The following TMED9 variants were observed in gnomAD, a reference collection of about 807,000 sequenced individuals.
TMED9 encodes the protein transmembrane emp24 domain-containing protein 9.
TMED9 carries 22 observed loss-of-function variants against 30.6 expected under a neutral mutation model. The ratio of observed to expected loss-of-function variants is 0.72; its 90% CI spans 0.51 to 1.03. The LOEUF (loss-of-function observed/expected upper bound fraction) is 1.03. Ranked by LOEUF, TMED9 falls within the 50% of genes least tolerant of loss-of-function variation. The pLI, the probability that TMED9 is intolerant of heterozygous loss-of-function variation, is 0.00. For missense variants in TMED9, 251 were observed against 302.1 expected, an observed-to-expected ratio of 0.83 and a Z score of 1.25; for synonymous variants, 146 against 122.8, an observed-to-expected ratio of 1.19 and a Z score of -1.25.
In TMED9 at chr5:177,592,310, G is replaced by T. The variant is rs1171258423; in HGVS notation, c.96G>T (p.Ala32=). Residue 32 remains alanine (A), a synonymous_variant, in exon 1 of 5, where the codon GCG becomes GCT. Transcript: ENST00000332598. ...MRTLLLVLWL[A]TRGSALYFHI... ...CCCTCCTGCTGGTGCTGTGGCTGGC[G>T]ACGCGCGGAAGCGCGCTCTACTTTC... The T allele has an allele frequency of 1.2e-6, 2 of 1,607,610 alleles. No individual in the cohort carries two copies.
chr5:177,593,816 T>A (rs527904105), intron 3 of TMED9, 41 bp downstream of exon 3: 4 of 1,611,360 alleles, frequency 2.5e-6, no homozygotes, highest in Non-Finnish European at 3.4e-6. Context: ...TCAGCCTTCA[T>A]CCTTTGGTGA....
intron 2 of TMED9, 131 bp downstream of exon 2, chr5:177,592,806 A>G (rs887110373): frequency 7.4e-6 from 5 of 674,030 alleles, no homozygotes; most frequent in Non-Finnish European, 1.3e-5. Context: ...GCTGACTTGC[A>G]GACCCCGCCC....
Position 177,596,302 on chromosome 5 carries a change from C to A in TMED9, c.*886C>A, listed in dbSNP as rs1279155808. Among the ~76,000 whole-genome samples the A allele has an allele frequency of 6.6e-6, 1 of 152,188 alleles. No homozygotes were observed. Among genetic ancestry groups the A allele is most frequent in the African/African-American group, 2.4e-5 (1 of 41,438 alleles). ...AGTGGGTTTGTCCAAGATTATACAA[C>A]AAGTAAATTGGGCTGGGGCTCAAAT... On this transcript the variant is annotated 3_prime_UTR_variant, in exon 5 of 5. Transcript: ENST00000332598.
At chr5:177,595,236 C>G (rs752398480) in intron 4 of TMED9, 31 bp from the exon 5 acceptor site, 81 of 1,506,822 alleles carry the variant, frequency 5.4e-5, no homozygotes, top group Non-Finnish European at 3.9e-5. Context: ...CAGCCCCAGC[C>G]AACTCAGGCT....
At chr5:177,593,097 G>C (rs1047985018) in intron 2 of TMED9, 1 of 160,810 alleles carries the variant, frequency 6.2e-6, no homozygotes, top group African/African-American at 2.5e-5. Flanking sequence ...TTGAGGCCGG[G>C]AGTTCAGGAC....
chr5:177,595,522 A>T lies in TMED9; in HGVS notation c.*106A>T. The T allele has an allele frequency of 7.0e-7, 1 of 1,422,632 alleles. No individual in the cohort carries two copies. Among genetic ancestry groups the T allele is most frequent in the Non-Finnish European group, 9.5e-7 (1 of 1,051,662 alleles). 88.1% of individuals were successfully genotyped at this position (1,422,632 alleles called of 1,614,324 possible). A position where few individuals can be genotyped will look rare whatever the true frequency, so the allele number is the denominator to read the frequency against. On this transcript the variant is annotated 3_prime_UTR_variant, in exon 5 of 5. Transcript: ENST00000332598. ...TGGTTTCCAGCCATACCTGTTCTGGAAGGGAGAGGGGCTGGAGGCACCCAC... is the reference window on the plus strand; with the variant it reads ...TGGTTTCCAGCCATACCTGTTCTGGTAGGGAGAGGGGCTGGAGGCACCCAC...
chr5:177,592,245 C>A lies in TMED9; in HGVS notation c.31C>A (p.Arg11=). 1.9e-6 allele frequency: 3 copies of A among 1,610,132 alleles called. No homozygotes were observed. The highest frequency in any genetic ancestry group is 2.5e-6 in the Non-Finnish European group (3 of 1,178,652). The change falls in exon 1 of 5, where the codon CGG becomes AGG. Residue 11 remains arginine, a synonymous_variant. Transcript: ENST00000332598. The stretch of plus-strand genomic sequence containing the variant: ...TGTGGAGCTGGGCGTGCTGCTCGTC[C>A]GGCCCCGGCCCGGAACCGGGCTGGG... The part of the protein sequence containing the change: MAVELGVLLV[R]PRPGTGLGRV...
Position 177,592,676 on chromosome 5 carries a change from G to A in TMED9, c.285+1G>A, listed in dbSNP as rs1240115067. On this transcript the variant is annotated splice_donor_variant, in intron 2 of 4. Transcript: ENST00000332598. LOFTEE classifies it high-confidence loss of function. ...GGAGGTGAAGGACCCAGAGGACAAG[G>A]TGAGCCAACCGCCCCCCTCCTCTCC... The A allele has an allele frequency of 6.2e-7, 1 of 1,602,630 alleles. No homozygotes were observed. The highest frequency in any genetic ancestry group is 8.5e-7 in the Non-Finnish European group (1 of 1,174,446).
chr5:177,594,275 A>C lies in TMED9; in HGVS notation c.548A>C (p.Asn183Thr). 1 of 1,614,104 alleles carries C rather than the reference A, an allele frequency of 6.2e-7. No individual in the cohort carries two copies. Among genetic ancestry groups the C allele is most frequent in the Non-Finnish European group, 8.5e-7 (1 of 1,180,002 alleles). The change falls in exon 4 of 5, where the codon AAC becomes ACC. Residue 183 changes from asparagine to threonine, a missense_variant. Transcript: ENST00000332598. Reference sequence around the variant, plus strand: ...GTGGAGCAGATCCAGAAAGAGCAGAACTACCAGCGGGTGAGTGACTGGGCC... The same window carrying C: ...GTGGAGCAGATCCAGAAAGAGCAGACCTACCAGCGGGTGAGTGACTGGGCC... Reference protein sequence around the residue: ...EQVEQIQKEQNYQRWREERFR... With the variant: ...EQVEQIQKEQTYQRWREERFR...
At chr5:177,592,890 C>T (rs997454421) in intron 2 of TMED9, among the ~76,000 whole-genome samples, 1 of 152,142 alleles carries the variant, frequency 6.6e-6, no homozygotes, top group African/African-American at 2.4e-5. Context: ...GTCATCTAGA[C>T]TTTAAGATTT....
At position 177,592,320 on chromosome 5, in the gene TMED9, A is replaced by G; in HGVS notation, c.106A>G (p.Ser36Gly). 1 of 1,605,552 alleles carries G rather than the reference A, an allele frequency of 6.2e-7. No individual in the cohort carries two copies. Among genetic ancestry groups the G allele is most frequent in the Admixed American group, 1.7e-5 (1 of 58,766 alleles). ...GGTGCTGTGGCTGGCGACGCGCGGA[A>G]GCGCGCTCTACTTTCACATCGGAGA... The part of the protein sequence containing the change: ...LLVLWLATRG[S>G]ALYFHIGETE... The change falls in exon 1 of 5, where the codon AGC (serine) becomes GGC (glycine). Residue 36 changes from serine (S) to glycine (G), a missense_variant. Physicochemically the swap from Ser to Gly is moderately conservative, Grantham distance 56. This residue lies in a region of TMED9 where 98 missense variants were observed against 62.5 expected (regional missense o/e 1.57). Transcript: ENST00000332598.
chr5:177,594,068 A>G, intron 3 of TMED9, 71 bp from the exon 4 acceptor site: 1 of 1,584,322 alleles, frequency 6.3e-7, no homozygotes, highest in Non-Finnish European at 8.6e-7. Flanking sequence ...GTCGGGGATG[A>G]GCTGTCAGTC....
chr5:177,593,509 G>C, intron 2 of TMED9, 141 bp from the exon 3 acceptor site: 10 of 1,042,468 alleles, frequency 9.6e-6, no homozygotes, highest in Non-Finnish European at 1.4e-5. Flanking sequence ...AACAGCTGCT[G>C]AGCAGCTTTG....
At chr5:177,593,895 T>C (rs1342272737) in intron 3 of TMED9, 120 bp downstream of exon 3, 1 of 1,432,152 alleles carries the variant, frequency 7.0e-7, no homozygotes, top group Non-Finnish European at 9.6e-7. Flanking sequence ...CTAAGAACAC[T>C]GGGTTTCCAC....
chr5:177,596,918 G>T lies in TMED9; in HGVS notation c.*1502G>T, dbSNP rs1416235717. Among the ~76,000 whole-genome samples, 1 of 152,174 alleles carries T rather than the reference G, an allele frequency of 6.6e-6. No individual in the cohort carries two copies. On this transcript the variant is annotated 3_prime_UTR_variant, in exon 5 of 5. Transcript: ENST00000332598. ...CAGAATCACAGTGTTATTGATCAGG[G>T]ATGTGAGGCTGCTGTTGGGGGTTGG...
At position 177,592,732 on chromosome 5, in the gene TMED9, C is replaced by T. The variant is rs1270328344; in HGVS notation, c.285+57C>T. 2.4e-6 allele frequency: 3 copies of T among 1,253,258 alleles called. No homozygotes were observed. The Admixed American group carries it at 6.2e-5, about 26-fold the overall frequency. 77.6% of individuals were successfully genotyped at this position (1,253,258 alleles called of 1,614,324 possible). On this transcript the variant is annotated intron_variant, in intron 2 of 4. Coordinates refer to ENST00000332598, the MANE Select transcript of TMED9 (RefSeq NM_017510.6). The stretch of plus-strand genomic sequence containing the variant: ...CCTCTCAGCTAGGCGGGCTCCGGTA[C>T]TTCCTCTTCTAGTTCCTGCATCTGC...
chr5:177,595,144 C>T, intron 4 of TMED9, 123 bp from the exon 5 acceptor site: 2 of 1,038,328 alleles, frequency 1.9e-6, no homozygotes, highest in Admixed American at 5.5e-5. Context: ...GGTAGAGTGA[C>T]ACTTTGCAGG....
intron 1 of TMED9, 22 bp from the exon 2 acceptor site, chr5:177,592,553 G>A: frequency 6.2e-7 from 1 of 1,605,078 alleles, no homozygotes; most frequent in Non-Finnish European, 8.5e-7. Flanking sequence ...CTCTGACCTG[G>A]GCTCGCCCTG....
Position 177,593,785 on chromosome 5 carries a change from C to G in TMED9, c.411+10C>G, listed in dbSNP as rs764022994. ...TGCTGGAGGCATGCTGGTAAGTGGG[C>G]CCATGTGAGACTTGCAGGTTTCAGC... is the stretch of plus-strand genomic sequence containing the variant. On this transcript the variant is annotated intron_variant, in intron 3 of 4. Transcript: ENST00000332598. 1.9e-5 allele frequency: 31 copies of G among 1,613,738 alleles called. No individual in the cohort carries two copies. The highest frequency in any genetic ancestry group is 2.5e-5 in the Non-Finnish European group (29 of 1,179,798).
Sources: gnomAD v4.1 joint callset for allele counts (sites outside exome capture counted in the v4.1 genomes callset) on GRCh38, gnomAD v4.1.1 for gene constraint, gnomAD v4.1.1 regional missense constraint, MANE v1.5 for transcripts, NCBI Gene and HGNC (gene_info 2026-07-23, HGNC 2026-07-21) for gene names.